ELAPOR1: variants seen among roughly 807,000 people sequenced by gnomAD.
ELAPOR1 encodes the protein endosome/lysosome-associated apoptosis and autophagy regulator 1.
In ELAPOR1, 77 loss-of-function variants were observed where a neutral mutation model predicts 119.7. That is an observed-to-expected ratio of 0.64 (90% CI 0.54 to 0.78). The LOEUF is 0.78. ELAPOR1 is among the 30% of genes least tolerant of loss of function. The probability of loss-of-function intolerance (pLI) is 0.00; values close to 1 mark genes in which losing one functional copy is unlikely to be tolerated. For missense variants in ELAPOR1, 1,115 were observed against 1,270.4 expected, an observed-to-expected ratio of 0.88 and a Z score of 1.86; for synonymous variants, 481 against 487.2, an observed-to-expected ratio of 0.99 and a Z score of 0.17.
intron 8 of ELAPOR1, 46 bp downstream of exon 8, chr1:109,185,179 TC>T: frequency 7.1e-7 from 1 of 1,417,578 alleles, no homozygotes; most frequent in Non-Finnish European, 1.0e-6. Flanking sequence ...ATGGACTGTC[TC>T]CCACTCCCTG....
intron 1 of ELAPOR1, among the ~76,000 whole-genome samples, chr1:109,142,479 A>G (rs1283158225): frequency 1.3e-5 from 2 of 152,238 alleles, no homozygotes; most frequent in Non-Finnish European, 2.9e-5. Flanking sequence ...TCAAGCTATC[A>G]GTGTCACTGA....
intron 1 of ELAPOR1, among the ~76,000 whole-genome samples, chr1:109,134,084 T>C (rs1331198661): frequency 1.3e-5 from 2 of 152,214 alleles, no homozygotes; most frequent in Non-Finnish European, 2.9e-5. Flanking sequence ...ACACTTTCAG[T>C]ACTGTATAAA....
At chr1:109,153,752 G>C (rs991323898) in intron 1 of ELAPOR1, among the ~76,000 whole-genome samples, 3 of 151,894 alleles carry the variant, frequency 2.0e-5, no homozygotes, top group Admixed American at 2.0e-4. Flanking sequence ...CGATTCTCCT[G>C]TTTGGGATTA....
intron 7 of ELAPOR1, among the ~76,000 whole-genome samples, chr1:109,178,794 A>T (rs1652506774): frequency 6.6e-6 from 1 of 151,832 alleles, no homozygotes; most frequent in African/African-American, 2.4e-5. Context: ...GTAAAACCCC[A>T]ACTCTACTAG....
intron 3 of ELAPOR1, among the ~76,000 whole-genome samples, chr1:109,166,151 G>A (rs1410120453): frequency 1.3e-5 from 2 of 151,802 alleles, no homozygotes; most frequent in South Asian, 2.1e-4. Context: ...TCCTGACCTC[G>A]TGATCCACCT....
At chr1:109,114,933 A>T (rs1415304205) in intron 1 of ELAPOR1, among the ~76,000 whole-genome samples, 1 of 152,118 alleles carries the variant, frequency 6.6e-6, no homozygotes, top group Non-Finnish European at 1.5e-5. Flanking sequence ...CCCGCAGCGT[A>T]CTATGTTTAG....
intron 3 of ELAPOR1, among the ~76,000 whole-genome samples, chr1:109,166,252 C>T (rs1394270626): frequency 1.3e-5 from 2 of 152,008 alleles, no homozygotes; most frequent in African/African-American, 2.4e-5. Flanking sequence ...GGGGTTTCAC[C>T]ATGTTGGCCA....
chr1:109,202,660 C>G (rs1654251394), intron 21 of ELAPOR1, among the ~76,000 whole-genome samples: 1 of 151,472 alleles, frequency 6.6e-6, no homozygotes, highest in South Asian at 2.1e-4. Flanking sequence ...AGGCTGGTCT[C>G]GAACTCCTAA....
intron 1 of ELAPOR1, among the ~76,000 whole-genome samples, chr1:109,155,754 T>C (rs1570653370): frequency 1.3e-5 from 2 of 152,204 alleles, no homozygotes; most frequent in East Asian, 3.8e-4. Context: ...AGCCCGGGTA[T>C]GTCCAGTGAC....
At chr1:109,198,169 CA>C in intron 17 of ELAPOR1, 94 bp downstream of exon 17, 1 of 945,214 alleles carries the variant, frequency 1.1e-6, no homozygotes, top group Middle Eastern at 2.3e-4. Flanking sequence ...TACTGCTTAT[CA>C]AGCCAGAACA....
intron 1 of ELAPOR1, among the ~76,000 whole-genome samples, chr1:109,139,116 T>C (rs2100995302): frequency 6.6e-6 from 1 of 152,140 alleles, no homozygotes; most frequent in Admixed American, 6.5e-5. Context: ...TTTGGGAGGC[T>C]GAGACAGGTG....
At chr1:109,120,125 C>T (rs1648298763) in intron 1 of ELAPOR1, among the ~76,000 whole-genome samples, 2 of 152,126 alleles carry the variant, frequency 1.3e-5, no homozygotes, top group Non-Finnish European at 2.9e-5. Flanking sequence ...GGGCTGGGCA[C>T]CATGGCTCAT....
At chr1:109,122,072 C>CTT (rs535259096) in intron 1 of ELAPOR1, among the ~76,000 whole-genome samples, 6 of 136,898 alleles carry the variant, frequency 4.4e-5, no homozygotes, top group East Asian at 2.1e-4. Context: ...ACAGCTGGCT[C>CTT]TTTTTTTTTT....
chr1:109,161,863 C>A (rs1651281130), intron 1 of ELAPOR1, 31 bp from the exon 2 acceptor site: 6 of 1,590,540 alleles, frequency 3.8e-6, no homozygotes, highest in Non-Finnish European at 5.2e-6. Context: ...ACTGCTAATG[C>A]ACATTTCGCC....
chr1:109,177,476 G>A (rs1273194832), intron 7 of ELAPOR1, among the ~76,000 whole-genome samples: 1 of 109,268 alleles, frequency 9.2e-6, no homozygotes, highest in Non-Finnish European at 1.9e-5. Flanking sequence ...GGGCAGAGAC[G>A]CTCCTCACTT....
intron 1 of ELAPOR1, among the ~76,000 whole-genome samples, chr1:109,126,249 G>A (rs986209315): frequency 6.6e-6 from 1 of 152,128 alleles, no homozygotes; most frequent in Non-Finnish European, 1.5e-5. Flanking sequence ...GCAAAGATAA[G>A]GGACAAACTC....
intron 1 of ELAPOR1, among the ~76,000 whole-genome samples, chr1:109,150,896 C>T (rs574225732): frequency 6.6e-6 from 1 of 152,242 alleles, no homozygotes; most frequent in East Asian, 1.9e-4. Flanking sequence ...ATTACTGATA[C>T]ATGATGGCAG....
chr1:109,139,049 TACTACTA>T (rs1649667236), intron 1 of ELAPOR1, among the ~76,000 whole-genome samples: 1 of 152,054 alleles, frequency 6.6e-6, no homozygotes, highest in African/African-American at 2.4e-5. Flanking sequence ...CCTTGGAACT[TACTACTA>T]AAGTTACCTC....
chr1:109,144,455 T>A (rs1244594129), intron 1 of ELAPOR1, among the ~76,000 whole-genome samples: 1 of 152,162 alleles, frequency 6.6e-6, no homozygotes, highest in Non-Finnish European at 1.5e-5. Flanking sequence ...GAAATAGAAT[T>A]CTAGGTAGGG....
Sources: allele counts gnomAD v4.1 joint callset (sites outside exome capture counted in the v4.1 genomes callset), GRCh38; gene constraint gnomAD v4.1.1; transcripts MANE v1.5; gene names NCBI Gene and HGNC (gene_info 2026-07-23, HGNC 2026-07-21).